Variants in LDB2 observed in about 807,000 individuals in gnomAD.
LDB2 encodes the protein LIM domain-binding protein 2.
Under a neutral mutation model 44.3 loss-of-function variants are expected in LDB2, and 12 were observed. The observed-to-expected ratio is 0.27, with a 90% CI of 0.17 to 0.44. The LOEUF (loss-of-function observed/expected upper bound fraction) is 0.44, where lower values mean the gene tolerates loss of function less well. LDB2 is among the 20% of genes least tolerant of loss of function. The pLI is 1.00. For synonymous variants in LDB2, 164 were observed against 174.8 expected (o/e 0.94, Z 0.49); for missense variants, 344 against 473.5 (o/e 0.73, Z 2.54).
At chr4:16,773,771 G>A (rs1400256527) in intron 1 of LDB2, among the ~76,000 whole-genome samples, 3 of 151,800 alleles carry the variant, frequency 2.0e-5, no homozygotes, top group Non-Finnish European at 4.4e-5. Context: ...GTCTTACTCT[G>A]TCACCCAGGC....
chr4:16,897,926 A>ATATATATATATACACATATG (rs1725678478), intron 1 of LDB2, among the ~76,000 whole-genome samples: 1 of 17,398 alleles, frequency 5.7e-5, no homozygotes, highest in Non-Finnish European at 9.1e-5. Context: ...ATATATATAT[A>ATATATATATATACACATATG]TATATATATA....
intron 2 of LDB2, among the ~76,000 whole-genome samples, chr4:16,673,544 G>T (rs1032696877): frequency 3.3e-5 from 5 of 152,154 alleles, no homozygotes; most frequent in East Asian, 1.9e-4. Context: ...TCTGAAAATT[G>T]TTCCATCAGA....
intron 1 of LDB2, among the ~76,000 whole-genome samples, chr4:16,815,867 G>A (rs1272553964): frequency 3.9e-5 from 6 of 152,194 alleles, no homozygotes; most frequent in Admixed American, 3.9e-4. Context: ...TTCACTGAAA[G>A]GAAATAAATA....
chr4:16,553,395 C>G (rs1335282751), intron 5 of LDB2, among the ~76,000 whole-genome samples: 1 of 152,144 alleles, frequency 6.6e-6, no homozygotes, highest in Admixed American at 6.6e-5. Context: ...CTCCTGGCCT[C>G]AAGCACTCCT....
At chr4:16,534,504 T>C (rs1437042146) in intron 5 of LDB2, among the ~76,000 whole-genome samples, 1 of 152,242 alleles carries the variant, frequency 6.6e-6, no homozygotes, top group African/African-American at 2.4e-5. Context: ...TAAAGGCTTA[T>C]GCTAGTTCTG....
At chr4:16,675,366 A>G (rs930455645) in intron 2 of LDB2, among the ~76,000 whole-genome samples, 1 of 152,196 alleles carries the variant, frequency 6.6e-6, no homozygotes, top group African/African-American at 2.4e-5. Flanking sequence ...TGACTTCAAT[A>G]TAAATCAAAA....
At chr4:16,859,195 G>GACTCCA (rs1270407343) in intron 1 of LDB2, among the ~76,000 whole-genome samples, 2 of 152,092 alleles carry the variant, frequency 1.3e-5, no homozygotes, top group African/African-American at 4.8e-5. Context: ...TCTGATCCCT[G>GACTCCA]GGAGTCCTAC....
At position 16,837,431 on chromosome 4, in the gene LDB2, C is replaced by G. The variant is rs151288374; in HGVS notation, c.132+60923G>C. On this transcript the variant is annotated intron_variant, in intron 1 of 7. Transcript: ENST00000304523. ...GATGGTCACCAAAGAATCCTGCCTC[C>G]TATATTCATACCTTGGCATAGTCTC... 2.1e-3 allele frequency among the ~76,000 whole-genome samples: 315 copies of G among 152,310 alleles called. 5 individuals carry two copies. In the East Asian group the frequency reaches 0.037, roughly 18 times the overall value.
chr4:16,524,762 A>G (rs1044730519), intron 5 of LDB2, among the ~76,000 whole-genome samples: 3 of 152,220 alleles, frequency 2.0e-5, no homozygotes, highest in Non-Finnish European at 4.4e-5. Context: ...TGAGAAAAGC[A>G]TCAGCATTTT....
Position 16,754,128 on chromosome 4 carries a change from A to G in LDB2, c.235+5030T>C, listed in dbSNP as rs140718805. Among the ~76,000 whole-genome samples, 253 of 152,312 alleles carry G rather than the reference A, an allele frequency of 1.7e-3. 2 individuals carry two copies. Among genetic ancestry groups the G allele is most frequent in the African/African-American group, 5.9e-3 (246 of 41,568 alleles). ...ATGCCCACTTACACATAGTTTAACCAAGTGTTCTGGAGTCTTCTGCCCCAC... is the reference window on the plus strand; with the variant it reads ...ATGCCCACTTACACATAGTTTAACCGAGTGTTCTGGAGTCTTCTGCCCCAC... On this transcript the variant is annotated intron_variant, in intron 2 of 7. Coordinates refer to ENST00000304523, the MANE Select transcript of LDB2 (RefSeq NM_001290.5).
At chr4:16,506,787 C>G (rs986055248) in intron 7 of LDB2, 4 of 152,196 alleles carry the variant, frequency 2.6e-5, no homozygotes, top group Non-Finnish European at 4.4e-5. Context: ...TAGTACCTGG[C>G]ACAGTGTGGG....
intron 2 of LDB2, chr4:16,741,516 T>G (rs1763236597): frequency 6.6e-6 from 1 of 152,158 alleles, no homozygotes. Context: ...GGGAATGAGG[T>G]GGGCTGTGAT....
intron 1 of LDB2, among the ~76,000 whole-genome samples, chr4:16,839,999 A>G (rs1356582088): frequency 6.6e-6 from 1 of 152,192 alleles, no homozygotes; most frequent in East Asian, 1.9e-4. Context: ...AAAACAGCCT[A>G]AAGGTCTTCT....
intron 1 of LDB2, among the ~76,000 whole-genome samples, chr4:16,869,248 T>A (rs1715709609): frequency 6.6e-6 from 1 of 151,208 alleles, no homozygotes; most frequent in Admixed American, 6.6e-5. Flanking sequence ...AATTAGAAAT[T>A]AAGCTCAGGC....
chr4:16,744,950 G>A (rs1764087508), intron 2 of LDB2, among the ~76,000 whole-genome samples: 1 of 152,082 alleles, frequency 6.6e-6, no homozygotes, highest in Non-Finnish European at 1.5e-5. Context: ...TGTGTATCAG[G>A]GATTGTATGT....
intron 6 of LDB2, among the ~76,000 whole-genome samples, chr4:16,509,994 G>A (rs1402245101): frequency 6.6e-6 from 1 of 152,010 alleles, no homozygotes. Flanking sequence ...ACGCACCAGG[G>A]GTCCCAGATA....
chr4:16,835,861 C>T (rs1784806389), intron 1 of LDB2, among the ~76,000 whole-genome samples: 1 of 152,176 alleles, frequency 6.6e-6, no homozygotes, highest in African/African-American at 2.4e-5. Flanking sequence ...GGGAACTCTC[C>T]TTCCTGCTCT....
At chr4:16,732,190 C>T (rs192931934) in intron 2 of LDB2, among the ~76,000 whole-genome samples, 2 of 152,224 alleles carry the variant, frequency 1.3e-5, no homozygotes, top group African/African-American at 2.4e-5. Flanking sequence ...ATTTTCACAC[C>T]CCACCCTCAG....
intron 5 of LDB2, among the ~76,000 whole-genome samples, chr4:16,534,981 G>A (rs1301173716): frequency 6.6e-6 from 1 of 152,146 alleles, no homozygotes; most frequent in African/African-American, 2.4e-5. Flanking sequence ...CACATCAGGG[G>A]ATGAGTTTTG....
Sources: gnomAD v4.1 joint callset for allele counts (sites outside exome capture counted in the v4.1 genomes callset) on GRCh38, gnomAD v4.1.1 for gene constraint, MANE v1.5 for transcripts, NCBI Gene and HGNC (gene_info 2026-07-23, HGNC 2026-07-21) for gene names.